PCSK5: variants seen among roughly 807,000 people sequenced by gnomAD.
The protein encoded by PCSK5 is prohormone convertase 5.
A neutral mutation model predicts 233.2 loss-of-function variants in PCSK5; 129 were observed. The ratio of observed to expected loss-of-function variants is 0.55; its 90% CI spans 0.48 to 0.64. The LOEUF (loss-of-function observed/expected upper bound fraction) is 0.64, where lower values mean the gene tolerates loss of function less well. Among genes scored for constraint, PCSK5 ranks in the 30% least tolerant of loss-of-function variants. The pLI is 0.00. For missense variants in PCSK5, 2,076 were observed against 2,430.1 expected (o/e 0.85, Z 3.06); for synonymous variants, 825 against 879.2 (o/e 0.94, Z 1.09).
chr9:76,343,979 A>T (rs1226404120), intron 35 of PCSK5, among the ~76,000 whole-genome samples: 2 of 152,160 alleles, frequency 1.3e-5, no homozygotes, highest in Non-Finnish European at 2.9e-5. Context: ...TTAATCATAC[A>T]CTTCATTTAT....
chr9:76,039,135 A>G (rs1474896931), intron 5 of PCSK5, among the ~76,000 whole-genome samples: 3 of 152,170 alleles, frequency 2.0e-5, no homozygotes, highest in African/African-American at 7.2e-5. Context: ...ATGTTTTCAG[A>G]TACTGTTTTT....
intron 1 of PCSK5, among the ~76,000 whole-genome samples, chr9:75,913,859 T>C (rs899675408): frequency 2.0e-5 from 3 of 152,102 alleles, no homozygotes; most frequent in Non-Finnish European, 4.4e-5. Flanking sequence ...ACTGTATTAT[T>C]AAAAAAAGGA....
At chr9:76,193,395 A>T in intron 20 of PCSK5, 4 of 1,309,502 alleles carry the variant, frequency 3.1e-6, no homozygotes, top group South Asian at 1.7e-5. Flanking sequence ...CTTATAGATT[A>T]TTCCATATTA....
chr9:76,052,409 G>A lies in PCSK5; in HGVS notation c.633-15546G>A, dbSNP rs78513241. Among the ~76,000 whole-genome samples, 1,520 of 152,322 alleles carry A rather than the reference G, an allele frequency of 1.0e-2. 27 individuals carry two copies. The highest frequency in any genetic ancestry group is 0.035 in the African/African-American group (1,436 of 41,560). Reference sequence around the variant, plus strand: ...GGAAGACCTCACAATCATGGCAGAGGTGAGGAGGAGCAAAGCCATGTCTTA... The same window carrying A: ...GGAAGACCTCACAATCATGGCAGAGATGAGGAGGAGCAAAGCCATGTCTTA... On this transcript the variant is annotated intron_variant, in intron 5 of 37. Transcript: ENST00000674117.
In PCSK5 at chr9:76,348,670, T is replaced by A. The variant is rs571207515; in HGVS notation, c.4967-2158T>A. ...TAAGAACATCTGAAATTTACTCTCT[T>A]ACCAATTTTGAAAGTACAATACATT... On this transcript the variant is annotated intron_variant, in intron 35 of 37. Coordinates refer to ENST00000674117, the MANE Select transcript of PCSK5 (RefSeq NM_001372043.1). Among the ~76,000 whole-genome samples the A allele has an allele frequency of 3.9e-5, 6 of 152,274 alleles. No homozygotes were observed. In the South Asian group the frequency reaches 1.2e-3, roughly 32 times the overall value.
chr9:76,133,828 C>T (rs978708826), intron 9 of PCSK5, among the ~76,000 whole-genome samples: 8 of 151,848 alleles, frequency 5.3e-5, no homozygotes, highest in East Asian at 1.9e-4. Flanking sequence ...TTGAGGAAAC[C>T]GGAAACGCTC....
chr9:76,208,384 T>C (rs975885140), intron 20 of PCSK5, among the ~76,000 whole-genome samples: 1 of 152,128 alleles, frequency 6.6e-6, no homozygotes, highest in Non-Finnish European at 1.5e-5. Context: ...TTCTCAGTAT[T>C]CCATCCTCTG....
At chr9:76,246,586 G>A (rs1466989875) in intron 24 of PCSK5, among the ~76,000 whole-genome samples, 1 of 152,056 alleles carries the variant, frequency 6.6e-6, no homozygotes, top group East Asian at 1.9e-4. Context: ...AATTTACCCT[G>A]GTGACATACA....
intron 3 of PCSK5, 100 bp from the exon 4 acceptor site, chr9:76,023,637 TG>T: frequency 9.0e-7 from 1 of 1,116,500 alleles, no homozygotes; most frequent in South Asian, 1.6e-5. Flanking sequence ...CACTCCAGCC[TG>T]GGCAGCAGAG....
At chr9:76,001,468 C>CTT (rs34379742) in intron 3 of PCSK5, among the ~76,000 whole-genome samples, 2,810 of 87,122 alleles carry the variant, frequency 0.032, 296 homozygotes, top group African/African-American at 0.089. Flanking sequence ...ACCATCATAG[C>CTT]TTTTTTTTTT....
At chr9:76,122,827 C>CTTTTTTTTTTTT (rs71372050) in intron 9 of PCSK5, among the ~76,000 whole-genome samples, 7 of 127,066 alleles carry the variant, frequency 5.5e-5, no homozygotes, top group Non-Finnish European at 8.0e-5. Flanking sequence ...TTTTTTTTTT[C>CTTTTTTTTTTTT]TTTTTTTTTT....
chr9:75,994,654 C>T lies in PCSK5; in HGVS notation c.411+8409C>T, dbSNP rs373168393. ...AACCAGGATGGTCTTGATCTCCTGA[C>T]CTTGCGATCCACCCGCCTCGGCCTC... On this transcript the variant is annotated intron_variant, in intron 3 of 37. Coordinates refer to ENST00000674117, the MANE Select transcript of PCSK5 (RefSeq NM_001372043.1). Among the ~76,000 whole-genome samples, 119 of 152,030 alleles carry T rather than the reference C, an allele frequency of 7.8e-4. 1 individual carries two copies. The highest frequency in any genetic ancestry group is 2.7e-3 in the African/African-American group (114 of 41,468).
chr9:76,286,967 GTC>G, intron 24 of PCSK5: 1 of 226,920 alleles, frequency 4.4e-6, no homozygotes. Context: ...GCACACCGCT[GTC>G]TCTGCACAAC....
intron 21 of PCSK5, among the ~76,000 whole-genome samples, chr9:76,227,994 G>A (rs1016327242): frequency 2.7e-5 from 4 of 148,346 alleles, no homozygotes; most frequent in Non-Finnish European, 4.4e-5. Context: ...TTTTGAGACA[G>A]AGTCTTGCTC....
chr9:75,892,417 A>T (rs564469000), intron 1 of PCSK5, among the ~76,000 whole-genome samples: 175 of 152,270 alleles, frequency 1.1e-3, no homozygotes, highest in Non-Finnish European at 2.1e-3. Flanking sequence ...TACACACCGC[A>T]AGCATCTTTG....
intron 24 of PCSK5, among the ~76,000 whole-genome samples, chr9:76,252,655 T>C (rs886713031): frequency 2.0e-5 from 3 of 152,224 alleles, no homozygotes; most frequent in African/African-American, 7.2e-5. Flanking sequence ...CTTCGTGCTC[T>C]GTGGGAAAGT....
intron 12 of PCSK5, among the ~76,000 whole-genome samples, chr9:76,159,566 A>AT (rs1383404023): frequency 6.6e-6 from 1 of 152,184 alleles, no homozygotes; most frequent in Non-Finnish European, 1.5e-5. Flanking sequence ...GGAAATTCTA[A>AT]TTTTTTAAAG....
At chr9:76,293,476 G>GTC (rs1407137407) in intron 25 of PCSK5, among the ~76,000 whole-genome samples, 1 of 152,148 alleles carries the variant, frequency 6.6e-6, no homozygotes, top group East Asian at 1.9e-4. Context: ...TTTTAAGACA[G>GTC]TCTCACTCTG....
intron 2 of PCSK5, among the ~76,000 whole-genome samples, chr9:75,963,736 G>A (rs944626633): frequency 2.6e-5 from 4 of 152,108 alleles, no homozygotes; most frequent in African/African-American, 7.2e-5. Context: ...AAAATTAGCC[G>A]GGCATGGTGG....
Sources: allele counts gnomAD v4.1 joint callset (sites outside exome capture counted in the v4.1 genomes callset), GRCh38; gene constraint gnomAD v4.1.1; transcripts MANE v1.5; gene names NCBI Gene and HGNC (gene_info 2026-07-23, HGNC 2026-07-21).